MYOM2: variants seen among roughly 807,000 people sequenced by gnomAD.
MYOM2 encodes the protein myomesin 2.
In MYOM2, 254 loss-of-function variants were observed where a neutral mutation model predicts 187.6. The ratio of observed to expected loss-of-function variants is 1.35; its 90% CI spans 1.22 to 1.50. The LOEUF (loss-of-function observed/expected upper bound fraction) is 1.50. Among genes scored for constraint, MYOM2 ranks in the 40% most tolerant of loss-of-function variants. The pLI is 0.00. For synonymous variants in MYOM2, 981 were observed against 753.8 expected (o/e 1.30, Z -4.94); for missense variants, 2,796 against 1,924.0 (o/e 1.45, Z -8.48).
At chr8:2,052,115 G>A (rs1223733020) in intron 2 of MYOM2, 43 bp from the exon 3 acceptor site, 3 of 1,610,212 alleles carry the variant, frequency 1.9e-6, no homozygotes, top group African/African-American at 2.7e-5. Context: ...TTTCCATACT[G>A]TGCCTGAGCA....
In MYOM2 at chr8:2,142,078, G is replaced by GAAA. The variant is rs33965995; in HGVS notation, c.4002-286_4002-284dup. 2.7e-3 allele frequency among the ~76,000 whole-genome samples: 401 copies of GAAA among 148,614 alleles called. 2 individuals carry two copies. Among genetic ancestry groups the GAAA allele is most frequent in the South Asian group, 0.014 (64 of 4,662 alleles). ...CTCCAGTGCAATCTAGTGAATTTGT[G>GAAA]AAAAAAAAAAAAATCTCTTCAACCT... On this transcript the variant is annotated intron_variant, in intron 34 of 36. Coordinates refer to ENST00000262113, the MANE Select transcript of MYOM2 (RefSeq NM_003970.4).
At chr8:2,061,892 G>C (rs1818862005) in intron 6 of MYOM2, among the ~76,000 whole-genome samples, 1 of 152,176 alleles carries the variant, frequency 6.6e-6, no homozygotes, top group Non-Finnish European at 1.5e-5. Context: ...GCCAAGACAA[G>C]GATGCCGCCT....
At chr8:2,129,072 G>A (rs895587384) in intron 31 of MYOM2, 55 bp from the exon 32 acceptor site, 15 of 1,337,730 alleles carry the variant, frequency 1.1e-5, no homozygotes, top group Non-Finnish European at 1.5e-5. Context: ...TGCTTTCTGT[G>A]ATCACACAGC....
In MYOM2 at chr8:2,142,378, T is replaced by C. The variant is rs766667014; in HGVS notation, c.4005T>C (p.Ala1335=). 5 of 1,613,774 alleles carry C rather than the reference T, an allele frequency of 3.1e-6. No homozygotes were observed. In the African/African-American group the frequency reaches 4.0e-5, roughly 13 times the overall value. The part of the protein sequence containing the change: ...EAFAEFQQFK[A]AAFAEKNRGR... ...TTCTGTCCCCTTTAACTTTTAGAGC[T>C]GCTGCTTTTGCAGAGAAGAGTAAGT... Residue 1335 remains alanine (A), a synonymous_variant, in exon 35 of 37, where the codon GCT becomes GCC. Coordinates refer to ENST00000262113, the MANE Select transcript of MYOM2 (RefSeq NM_003970.4).
chr8:2,080,455 A>C (rs879546943), intron 13 of MYOM2, among the ~76,000 whole-genome samples: 4 of 152,224 alleles, frequency 2.6e-5, no homozygotes, highest in South Asian at 2.1e-4. Context: ...GTATGTCCCT[A>C]TGTTTCCCAT....
At chr8:2,106,951 T>C (rs894704953) in intron 23 of MYOM2, among the ~76,000 whole-genome samples, 2 of 152,208 alleles carry the variant, frequency 1.3e-5, no homozygotes, top group Non-Finnish European at 2.9e-5. Flanking sequence ...GAGTCTTCCC[T>C]TCCTTCCAAC....
intron 17 of MYOM2, among the ~76,000 whole-genome samples, chr8:2,095,629 CA>C (rs1260886742): frequency 6.6e-6 from 1 of 152,142 alleles, no homozygotes; most frequent in African/African-American, 2.4e-5. Flanking sequence ...TAATTCCAGT[CA>C]CCTGTGTCTC....
Position 2,092,459 on chromosome 8 carries a change from T to G in MYOM2, c.1942T>G (p.Cys648Gly). The G allele has an allele frequency of 6.2e-7, 1 of 1,614,126 alleles. No homozygotes were observed. Among genetic ancestry groups the G allele is most frequent in the Non-Finnish European group, 8.5e-7 (1 of 1,180,012 alleles). Residue 648 changes from cysteine to glycine, a missense_variant, in exon 16 of 37, where the codon TGC (cysteine) becomes GGC (glycine). Transcript: ENST00000262113. The stretch of plus-strand genomic sequence containing the variant: ...GGACCTGCTGGGCTACTACGTGGAC[T>G]GCTGTGTGGCCGGAACCAACCTCTG... Reference protein sequence around the residue: ...EEDLLGYYVDCCVAGTNLWEP... With the variant: ...EEDLLGYYVDGCVAGTNLWEP...
intron 3 of MYOM2, among the ~76,000 whole-genome samples, chr8:2,055,194 T>C (rs1424835599): frequency 6.6e-6 from 1 of 152,020 alleles, no homozygotes; most frequent in East Asian, 1.9e-4. Context: ...AAGAGGGCAT[T>C]TTCCCGCTTT....
At chr8:2,132,810 C>G (rs1797922143) in intron 32 of MYOM2, among the ~76,000 whole-genome samples, 1 of 152,202 alleles carries the variant, frequency 6.6e-6, no homozygotes, top group East Asian at 1.9e-4. Context: ...CACGCAGAGT[C>G]TGACTTTGTA....
chr8:2,083,712 C>A (rs905977011), intron 13 of MYOM2, among the ~76,000 whole-genome samples: 1 of 152,200 alleles, frequency 6.6e-6, no homozygotes, highest in Admixed American at 6.5e-5. Context: ...CCCTTTTGAA[C>A]CCTTTTCTCC....
chr8:2,068,252 G>A (rs1163778261), intron 6 of MYOM2, among the ~76,000 whole-genome samples: 2 of 151,354 alleles, frequency 1.3e-5, no homozygotes, highest in Non-Finnish European at 2.9e-5. Flanking sequence ...CCCGGGGGCA[G>A]CTCTTCAATG....
At chr8:2,098,263 G>C (rs977375828) in intron 18 of MYOM2, among the ~76,000 whole-genome samples, 2 of 152,168 alleles carry the variant, frequency 1.3e-5, no homozygotes. Flanking sequence ...GGGGAGTCGA[G>C]GCTCGTAGTG....
At chr8:2,091,425 C>G (rs1273278152) in intron 15 of MYOM2, among the ~76,000 whole-genome samples, 1 of 152,156 alleles carries the variant, frequency 6.6e-6, no homozygotes, top group Non-Finnish European at 1.5e-5. Context: ...TTTTGAATTG[C>G]AATCCCTGGA....
rs199659384 is a variant in MYOM2, at chr8:2,076,204, A to G, written c.1184A>G (p.Asn395Ser). ...ATGGACTTGCAGTGCCACGACGCCA[A>G]CCGGGACTACGTCATCGTGACCTGG... ...APMDLQCHDA[N>S]RDYVIVTWKP... Residue 395 changes from asparagine (N) to serine (S), a missense_variant, in exon 11 of 37, where the codon AAC (asparagine) becomes AGC (serine). Transcript: ENST00000262113. 1.1e-5 allele frequency: 17 copies of G among 1,613,466 alleles called. No homozygotes were observed. Among genetic ancestry groups the G allele is most frequent in the Admixed American group, 1.0e-4 (6 of 59,982 alleles).
intron 36 of MYOM2, among the ~76,000 whole-genome samples, 158 bp downstream of exon 36, chr8:2,143,614 C>T (rs1798355745): frequency 6.6e-6 from 1 of 152,200 alleles, no homozygotes; most frequent in East Asian, 1.9e-4. Flanking sequence ...TCTGCCCCTC[C>T]TAGACGGCTT....
At position 2,116,289 on chromosome 8, in the gene MYOM2, C is replaced by G; in HGVS notation, c.3385+14C>G. The G allele has an allele frequency of 1.2e-6, 2 of 1,608,942 alleles. No homozygotes were observed. Among genetic ancestry groups the G allele is most frequent in the Non-Finnish European group, 1.7e-6 (2 of 1,177,156 alleles). On this transcript the variant is annotated intron_variant, in intron 27 of 36. Coordinates refer to ENST00000262113, the MANE Select transcript of MYOM2 (RefSeq NM_003970.4). ...TCAGGAAACAAGGTGAGTTTCCTCACTCTGACCGGCTCCCCTGCCCCTAGC... is the reference window on the plus strand; with the variant it reads ...TCAGGAAACAAGGTGAGTTTCCTCAGTCTGACCGGCTCCCCTGCCCCTAGC...
chr8:2,095,601 T>C (rs1344916179), intron 17 of MYOM2, among the ~76,000 whole-genome samples: 1 of 152,168 alleles, frequency 6.6e-6, no homozygotes, highest in African/African-American at 2.4e-5. Context: ...CTGTTTTTAT[T>C]CTATGATAAG....
At position 2,143,405 on chromosome 8, in the gene MYOM2, T is replaced by G; in HGVS notation, c.4029T>G (p.Arg1343=). Residue 1343 remains arginine, a synonymous_variant, in exon 36 of 37, where the codon CGT becomes CGG. Transcript: ENST00000262113. ...FKAAAFAEKN[R]GRLIGGLPDV... ...CAAGGTGCTTTCCCGTTGCAGATCG[T>G]GGCAGGTTGATCGGCGGCTTGCCTG... The G allele has an allele frequency of 1.2e-6, 2 of 1,614,140 alleles. No individual in the cohort carries two copies. The highest frequency in any genetic ancestry group is 1.7e-6 in the Non-Finnish European group (2 of 1,180,046).
Sources: gnomAD v4.1 joint callset for allele counts (sites outside exome capture counted in the v4.1 genomes callset) on GRCh38, gnomAD v4.1.1 for gene constraint, MANE v1.5 for transcripts, NCBI Gene and HGNC (gene_info 2026-07-23, HGNC 2026-07-21) for gene names.